Variants in TYW1 observed in about 807,000 individuals in gnomAD.
TYW1 encodes the protein tRNA-yW synthesizing protein 1 homolog, also known as S-adenosyl-L-methionine-dependent tRNA 4-demethylwyosine synthase TYW1.
In TYW1, 46 loss-of-function variants were observed where a neutral mutation model predicts 96.2. That is an observed-to-expected ratio of 0.48 (90% confidence interval 0.38 to 0.61). TYW1 has a LOEUF of 0.61. TYW1 is among the 20% of genes least tolerant of loss of function. The pLI is 0.00. For synonymous variants in TYW1, 274 were observed against 323.0 expected (o/e 0.85, Z 1.63); for missense variants, 684 against 909.6 (o/e 0.75, Z 3.19).
intron 13 of TYW1, among the ~76,000 whole-genome samples, chr7:67,135,612 T>G (rs1336320533): frequency 5.3e-5 from 8 of 151,962 alleles, no homozygotes; most frequent in Middle Eastern, 3.4e-3. Context: ...CAACAGTTTT[T>G]TTTTTTTTTT....
At chr7:67,063,532 C>CAAAT (rs60850530) in intron 9 of TYW1, among the ~76,000 whole-genome samples, 36,724 of 151,382 alleles carry the variant, frequency 0.24, 4,649 homozygotes, top group African/African-American at 0.32. Flanking sequence ...AAGGAAATGA[C>CAAAT]AAATAAATTT....
chr7:67,154,899 C>T (rs1227743737), intron 13 of TYW1, among the ~76,000 whole-genome samples: 4 of 151,912 alleles, frequency 2.6e-5, no homozygotes, highest in Non-Finnish European at 4.4e-5. Flanking sequence ...AAAAAAAATC[C>T]GAGTTGTTTC....
chr7:67,011,375 C>T (rs1793790196), intron 4 of TYW1, among the ~76,000 whole-genome samples: 1 of 152,244 alleles, frequency 6.6e-6, no homozygotes, highest in Non-Finnish European at 1.5e-5. Flanking sequence ...ATTTCTTCAT[C>T]TGAAAAGTGT....
Position 67,024,367 on chromosome 7 carries a change from A to G in TYW1, c.862-533A>G, listed in dbSNP as rs536504986. ...TTTTTTGTAGCAATGTGGTCTTGCT[A>G]TGTTCCCCAGGCTGGTTTCAAACTC... On this transcript the variant is annotated intron_variant, in intron 6 of 15. Coordinates refer to ENST00000359626, the MANE Select transcript of TYW1 (RefSeq NM_018264.4). Among the ~76,000 whole-genome samples, 198 of 152,090 alleles carry G rather than the reference A, an allele frequency of 1.3e-3. 1 individual carries two copies. Among genetic ancestry groups the G allele is most frequent in the Middle Eastern group, 3.4e-3 (1 of 294 alleles).
intron 13 of TYW1, among the ~76,000 whole-genome samples, chr7:67,162,841 G>T (rs1400061228): frequency 2.0e-5 from 3 of 152,188 alleles, no homozygotes; most frequent in Admixed American, 2.0e-4. Flanking sequence ...TTACTATTCT[G>T]TAGATAGGGC....
chr7:67,114,667 G>A (rs62468382), intron 12 of TYW1, among the ~76,000 whole-genome samples: 6,092 of 152,224 alleles, frequency 0.04, 179 homozygotes, highest in Middle Eastern at 0.1. Context: ...GATGATGTAA[G>A]ACTCTTTTGC....
chr7:67,239,320 TATC>T lies in TYW1; in HGVS notation c.*794_*796del, dbSNP rs1801990205. On this transcript the variant is annotated 3_prime_UTR_variant, in exon 16 of 16. Coordinates refer to ENST00000359626, the MANE Select transcript of TYW1 (RefSeq NM_018264.4). ...GTGAGGTCACTGTCCAGGCCTCTCA[TATC>T]ATGACCAGACGGCGGGTCTCCATCT... is the stretch of plus-strand genomic sequence containing the variant. The T allele has an allele frequency of 1.0e-6, 1 of 985,480 alleles. No individual in the cohort carries two copies. The highest frequency in any genetic ancestry group is 1.2e-6 in the Non-Finnish European group (1 of 829,972). The allele number at this position is 985,480 out of a possible 1,614,324, so 61.0% of individuals were successfully genotyped here.
chr7:67,035,745 C>A (rs1794816373), intron 7 of TYW1, among the ~76,000 whole-genome samples: 1 of 152,088 alleles, frequency 6.6e-6, no homozygotes, highest in African/African-American at 2.4e-5. Context: ...GTGGCGCCAT[C>A]TCGCTGACTG....
chr7:67,084,924 G>T (rs542358368), intron 11 of TYW1, among the ~76,000 whole-genome samples: 1 of 152,316 alleles, frequency 6.6e-6, no homozygotes, highest in Admixed American at 6.5e-5. Context: ...TGTAGGTGAT[G>T]AATTGGAATT....
intron 10 of TYW1, among the ~76,000 whole-genome samples, chr7:67,073,046 A>G (rs1337161784): frequency 6.8e-6 from 1 of 147,876 alleles, no homozygotes; most frequent in Non-Finnish European, 1.5e-5. Context: ...AGCCTCCCAA[A>G]GTGCTGAGAT....
At chr7:67,068,889 A>C (rs1795952967) in intron 10 of TYW1, among the ~76,000 whole-genome samples, 2 of 152,180 alleles carry the variant, frequency 1.3e-5, no homozygotes, top group African/African-American at 4.8e-5. Flanking sequence ...TTAGCCATCT[A>C]ATGGCCCAGA....
chr7:67,059,635 C>T (rs1795634480), intron 9 of TYW1, among the ~76,000 whole-genome samples: 1 of 148,322 alleles, frequency 6.7e-6, no homozygotes, highest in African/African-American at 2.5e-5. Flanking sequence ...TACAAGATAA[C>T]TCTCCTCATG....
At chr7:67,115,037 T>A (rs1338796593) in intron 12 of TYW1, among the ~76,000 whole-genome samples, 2 of 152,122 alleles carry the variant, frequency 1.3e-5, no homozygotes, top group African/African-American at 4.8e-5. Flanking sequence ...ATTGGTAGTG[T>A]CAGTGTCCAG....
At chr7:67,115,380 C>T (rs889046354) in intron 12 of TYW1, among the ~76,000 whole-genome samples, 3 of 151,728 alleles carry the variant, frequency 2.0e-5, no homozygotes, top group Non-Finnish European at 4.4e-5. Context: ...CAGTAATTAA[C>T]GTGCTTTGCT....
chr7:67,144,347 T>A (rs1462608135), intron 13 of TYW1, among the ~76,000 whole-genome samples: 1 of 152,258 alleles, frequency 6.6e-6, no homozygotes, highest in African/African-American at 2.4e-5. Context: ...TCTCTACCCT[T>A]TGACTTTTGA....
intron 12 of TYW1, among the ~76,000 whole-genome samples, chr7:67,107,108 A>G (rs1478220279): frequency 2.0e-5 from 3 of 152,214 alleles, no homozygotes; most frequent in African/African-American, 7.2e-5. Context: ...TGCATAGTAT[A>G]TGTTTGAAGA....
chr7:67,088,716 A>G (rs548637425), intron 11 of TYW1, among the ~76,000 whole-genome samples: 1 of 152,210 alleles, frequency 6.6e-6, no homozygotes, highest in South Asian at 2.1e-4. Context: ...GGCACATGCT[A>G]CCAAACTCAG....
intron 12 of TYW1, among the ~76,000 whole-genome samples, chr7:67,109,990 C>A (rs1378181803): frequency 1.3e-5 from 2 of 152,162 alleles, no homozygotes; most frequent in African/African-American, 2.4e-5. Flanking sequence ...AGTCTCATTC[C>A]TGGGAAATTG....
chr7:67,011,745 G>C (rs567916965), intron 4 of TYW1, among the ~76,000 whole-genome samples: 418 of 152,084 alleles, frequency 2.7e-3, no homozygotes, highest in Non-Finnish European at 5.0e-3. Flanking sequence ...GGTGGTGGGC[G>C]CCTGTTAATC....
Sources: gnomAD v4.1 joint callset for allele counts (sites outside exome capture counted in the v4.1 genomes callset) on GRCh38, gnomAD v4.1.1 for gene constraint, MANE v1.5 for transcripts, NCBI Gene and HGNC (gene_info 2026-07-23, HGNC 2026-07-21) for gene names.